The following RCOR3 variants were observed in gnomAD, a reference collection of about 807,000 sequenced individuals.
RCOR3 encodes REST corepressor 3.
RCOR3 carries 13 observed loss-of-function variants against 64.1 expected under a neutral mutation model. The ratio of observed to expected loss-of-function variants is 0.20; its 90% confidence interval spans 0.13 to 0.32. The LOEUF (loss-of-function observed/expected upper bound fraction) is 0.32. Among genes scored for constraint, RCOR3 ranks in the 10% least tolerant of loss-of-function variants. RCOR3 has a pLI of 1.00. For missense variants in RCOR3, 489 were observed against 701.2 expected (o/e 0.70, Z 3.42); for synonymous variants, 215 against 239.0 (o/e 0.90, Z 0.93).
intron 7 of RCOR3, among the ~76,000 whole-genome samples, chr1:211,283,402 A>C (rs1217993059): frequency 1.3e-5 from 2 of 152,238 alleles, no homozygotes; most frequent in Admixed American, 1.3e-4. Context: ...GGGAATAGCC[A>C]CATTAAACTT....
intron 3 of RCOR3, among the ~76,000 whole-genome samples, chr1:211,272,690 C>T (rs1040291584): frequency 4.4e-5 from 5 of 112,634 alleles, no homozygotes; most frequent in African/African-American, 1.0e-4. Flanking sequence ...GGCGGGATCT[C>T]GGCTCACTGC....
rs1693821513 is a variant in RCOR3, at chr1:211,259,651, A to AGCG, written c.95_97dup (p.Gly32dup). ...CAAGAGCCCGGCAGGCGGCGGCGGCAGCGGCGCCTCGTCCACCAACGGCGG... is the reference window on the plus strand; with the variant it reads ...CAAGAGCCCGGCAGGCGGCGGCGGCAGCGGCGGCGCCTCGTCCACCAACGGCGG... On this transcript the variant is annotated inframe_insertion, in exon 1 of 12. Coordinates refer to ENST00000419091, the MANE Select transcript of RCOR3 (RefSeq NM_001136223.3). 6.5e-7 allele frequency: 1 copy of AGCG among 1,546,960 alleles called. No individual in the cohort carries two copies. The highest frequency in any genetic ancestry group is 1.4e-5 in the African/African-American group (1 of 72,528).
chr1:211,277,515 T>C (rs1697187360), intron 5 of RCOR3, among the ~76,000 whole-genome samples: 1 of 152,202 alleles, frequency 6.6e-6, no homozygotes, highest in Non-Finnish European at 1.5e-5. Context: ...TGTTAAGAAT[T>C]GAATAGCTTT....
At chr1:211,295,171 GA>G (rs1558092722) in intron 8 of RCOR3, among the ~76,000 whole-genome samples, 1 of 150,472 alleles carries the variant, frequency 6.6e-6, no homozygotes, top group African/African-American at 2.4e-5. Context: ...CTAGTTCAGT[GA>G]CTTTTAATGT....
chr1:211,290,383 T>C (rs1233467018), intron 8 of RCOR3, among the ~76,000 whole-genome samples: 2 of 152,332 alleles, frequency 1.3e-5, no homozygotes, highest in African/African-American at 4.8e-5. Context: ...TCCCAACACA[T>C]GTAAACCAAA....
At chr1:211,300,898 T>C (rs1700308478) in intron 9 of RCOR3, among the ~76,000 whole-genome samples, 1 of 151,716 alleles carries the variant, frequency 6.6e-6, no homozygotes, top group Non-Finnish European at 1.5e-5. Context: ...AGGGAGACTC[T>C]AGTGTGTATG....
chr1:211,312,843 A>AATACCTCCTT lies in RCOR3; in HGVS notation c.1199_1200insATACCTCCTT (p.Glu401TyrfsTer15). 2 of 1,614,240 alleles carry AATACCTCCTT rather than the reference A, an allele frequency of 1.2e-6. No individual in the cohort carries two copies. Among genetic ancestry groups the AATACCTCCTT allele is most frequent in the Non-Finnish European group, 1.7e-6 (2 of 1,180,034 alleles). On this transcript the variant is annotated frameshift_variant, in exon 11 of 12. Transcript: ENST00000419091. LOFTEE classifies it high-confidence loss of function. This position sits in a 1 kb window ranked among gnomAD's most constrained non-coding sequence, Gnocchi z 5.0. ...CGGTTTAACTTAGAGGAGGTATTGC[A>AATACCTCCTT]GGAGTGGGAAGCAGAACAAGGAACC...
At chr1:211,278,043 A>G in intron 5 of RCOR3, 74 bp from the exon 6 acceptor site, 1 of 1,322,668 alleles carries the variant, frequency 7.6e-7, no homozygotes, top group South Asian at 1.3e-5. Flanking sequence ...TTTACTAAAT[A>G]GTAAAGATAT....
intron 3 of RCOR3, among the ~76,000 whole-genome samples, chr1:211,272,612 CTTTTTTTTTTTT>C (rs768152573): frequency 2.1e-4 from 9 of 43,520 alleles, no homozygotes; most frequent in African/African-American, 4.9e-4. Flanking sequence ...GGATGTCTTA[CTTTTTTTTTTTT>C]TTTTTTTTTT....
intron 7 of RCOR3, among the ~76,000 whole-genome samples, chr1:211,286,369 G>T (rs1178369891): frequency 1.3e-5 from 2 of 148,560 alleles, no homozygotes; most frequent in African/African-American, 2.5e-5. Context: ...GTGCAGTGGC[G>T]TGATCTCGGC....
intron 9 of RCOR3, among the ~76,000 whole-genome samples, chr1:211,296,962 A>G (rs1043820788): frequency 2.0e-5 from 3 of 152,156 alleles, no homozygotes; most frequent in African/African-American, 7.2e-5. Context: ...TTATGGGAAT[A>G]GCAGGAAGAA....
Position 211,279,202 on chromosome 1 carries a change from A to C in RCOR3, c.642-36A>C, listed in dbSNP as rs754985635. The stretch of plus-strand genomic sequence containing the variant: ...AACGCTGTCTTAAAAAAAAAAAAAA[A>C]GGGAATTAAGTGTACTAATTTTTGT... On this transcript the variant is annotated intron_variant, in intron 6 of 11. Coordinates refer to ENST00000419091, the MANE Select transcript of RCOR3 (RefSeq NM_001136223.3). 6.7e-6 allele frequency: 7 copies of C among 1,041,062 alleles called. 1 individual carries two copies. In the East Asian group the frequency reaches 1.8e-4, roughly 27 times the overall value. The allele number at this position is 1,041,062 out of a possible 1,614,324, so 64.5% of individuals were successfully genotyped here.
intron 2 of RCOR3, among the ~76,000 whole-genome samples, chr1:211,265,415 G>A (rs763880347): frequency 2.6e-5 from 4 of 151,540 alleles, no homozygotes; most frequent in Non-Finnish European, 5.9e-5. Flanking sequence ...AATTTTTTTT[G>A]TGCTTTGAAG....
In RCOR3 at chr1:211,312,123, C is replaced by T; in HGVS notation, c.1076-597C>T. 5.0e-6 allele frequency: 1 copy of T among 199,694 alleles called. No homozygotes were observed. The highest frequency in any genetic ancestry group is 2.3e-5 in the African/African-American group (1 of 43,094). 12.4% of individuals were successfully genotyped at this position (199,694 alleles called of 1,614,324 possible). Reference sequence around the variant, plus strand: ...AATCTTCTCTTTTTTCAAAATCCACCAACTTGTGATGATTCTCCTGCTTTT... The same window carrying T: ...AATCTTCTCTTTTTTCAAAATCCACTAACTTGTGATGATTCTCCTGCTTTT... On this transcript the variant is annotated intron_variant, in intron 10 of 11. Transcript: ENST00000419091. The surrounding 1 kb of genome is among the most constrained non-coding windows in gnomAD (Gnocchi z 5.0).
At chr1:211,274,104 AC>A (rs1408340299) in intron 3 of RCOR3, 105 bp from the exon 4 acceptor site, 19 of 638,556 alleles carry the variant, frequency 3.0e-5, no homozygotes, top group Non-Finnish European at 2.8e-5. Context: ...TTTTTTTTTT[AC>A]CCTGGAATAT....
In RCOR3 at chr1:211,301,356, C is replaced by T. The variant is rs1700361824; in HGVS notation, c.1018-2727C>T. The T allele has an allele frequency of 2.0e-5, 3 of 152,182 alleles. 1 individual carries two copies. The South Asian group carries it at 6.2e-4, about 32-fold the overall frequency. 9.4% of individuals were successfully genotyped at this position (152,182 alleles called of 1,614,324 possible). On this transcript the variant is annotated intron_variant, in intron 9 of 11. Coordinates refer to ENST00000419091, the MANE Select transcript of RCOR3 (RefSeq NM_001136223.3). ...TCTTGATTTCTCAGGTTCTTAACAG[C>T]ATTGTCCCTCTCCCAGCTTTCCAGG...
intron 7 of RCOR3, among the ~76,000 whole-genome samples, chr1:211,288,263 CTAAAATA>C (rs1363665796): frequency 1.1e-4 from 16 of 151,408 alleles, no homozygotes; most frequent in Non-Finnish European, 2.2e-4. Flanking sequence ...AATCTTCAAC[CTAAAATA>C]TATAGTTTCT....
intron 2 of RCOR3, among the ~76,000 whole-genome samples, chr1:211,270,640 GATTT>G (rs1696020207): frequency 6.6e-6 from 1 of 151,918 alleles, no homozygotes; most frequent in African/African-American, 2.4e-5. Flanking sequence ...GTTTAAATCA[GATTT>G]ATTACCTTCT....
At chr1:211,272,080 A>G (rs944101212) in intron 3 of RCOR3, among the ~76,000 whole-genome samples, 2 of 152,238 alleles carry the variant, frequency 1.3e-5, no homozygotes, top group African/African-American at 4.8e-5. Flanking sequence ...AGTAAGTTGA[A>G]TCATGCTTAT....
Sources: allele counts gnomAD v4.1 joint callset (sites outside exome capture counted in the v4.1 genomes callset), GRCh38; gene constraint gnomAD v4.1.1; non-coding constraint Gnocchi (gnomAD v3.1); transcripts MANE v1.5; gene names NCBI Gene and HGNC (gene_info 2026-07-23, HGNC 2026-07-21).